Variants in VCPKMT observed in about 807,000 individuals in gnomAD.
VCPKMT encodes valosin containing protein lysine methyltransferase, also known as protein N-lysine methyltransferase METTL21D.
In VCPKMT, 32 loss-of-function variants were observed where a neutral mutation model predicts 28.6. The ratio of observed to expected loss-of-function variants is 1.12; its 90% CI spans 0.84 to 1.50. The LOEUF (loss-of-function observed/expected upper bound fraction) is 1.50. Among genes scored for constraint, VCPKMT ranks in the 40% most tolerant of loss-of-function variants. The pLI, the probability that VCPKMT is intolerant of heterozygous loss-of-function variation, is 0.00. For missense variants in VCPKMT, 366 were observed against 285.0 expected (o/e 1.28, Z -2.05); for synonymous variants, 138 against 111.4 (o/e 1.24, Z -1.50).
intron 5 of VCPKMT, chr14:50,111,519 T>G (rs1035341324): frequency 2.0e-6 from 2 of 985,336 alleles, no homozygotes; most frequent in African/African-American, 3.5e-5. Context: ...GCATCCTTAA[T>G]TCATAAAACT....
Position 50,108,948 on chromosome 14 carries a change from T to A in VCPKMT, c.*751A>T, listed in dbSNP as rs1882454734. On this transcript the variant is annotated 3_prime_UTR_variant, in exon 6 of 6. Transcript: ENST00000395860. ...ACATAAAGTGCATGAGCCACGTAAG[T>A]GCATAAGCCTGAAACTGGTCTTTCT... 3.7e-5 allele frequency: 36 copies of A among 985,460 alleles called. No individual in the cohort carries two copies. Among genetic ancestry groups the A allele is most frequent in the Non-Finnish European group, 4.2e-5 (35 of 829,922 alleles). The allele number at this position is 985,460 out of a possible 1,614,324, so 61.0% of individuals were successfully genotyped here.
In VCPKMT at chr14:50,116,300, C is replaced by A; in HGVS notation, c.253G>T (p.Ala85Ser). ...GCCAGCTCTTACCCGAGGGTAGCAG[C>A]CATGAGCCCCACGGCCCCGGTGCCC... Reference protein sequence around the residue: ...GSGTGAVGLMAATLGADVVVT... With the variant: ...GSGTGAVGLMSATLGADVVVT... The change falls in exon 1 of 6, where the codon GCT becomes TCT. Residue 85 changes from alanine to serine, a missense_variant. Transcript: ENST00000395860. The A allele has an allele frequency of 6.2e-7, 1 of 1,606,898 alleles. No individual in the cohort carries two copies. The highest frequency in any genetic ancestry group is 2.2e-5 in the East Asian group (1 of 44,532).
At chr14:50,107,042 A>G (rs1328670570), downstream of VCPKMT, among the ~76,000 whole-genome samples, 1 of 152,196 alleles carries the variant, frequency 6.6e-6, no homozygotes, top group African/African-American at 2.4e-5. Context: ...TTGTGAGTGC[A>G]GGTACAACTT....
At position 50,116,381 on chromosome 14, in the gene VCPKMT, A is replaced by T; in HGVS notation, c.172T>A (p.Phe58Ile). ...AGCGCGTGGGCCCCGTCGCCAGAAA[A>T]CTCGGGCGTTTCCAGGTATTTAGAA... Reference protein sequence around the residue: ...VLSKYLETPEFSGDGAHALSR... With the variant: ...VLSKYLETPEISGDGAHALSR... Residue 58 changes from phenylalanine to isoleucine, a missense_variant, in exon 1 of 6, where the codon TTT (phenylalanine) becomes ATT (isoleucine). By Grantham distance (21) the Phe-to-Ile change is conservative (BLOSUM62 0). Transcript: ENST00000395860. 2 of 1,613,460 alleles carry T rather than the reference A, an allele frequency of 1.2e-6. No homozygotes were observed. Among genetic ancestry groups the T allele is most frequent in the Non-Finnish European group, 1.7e-6 (2 of 1,179,852 alleles).
intron 5 of VCPKMT, chr14:50,112,106 G>A: frequency 1.0e-6 from 1 of 976,740 alleles, no homozygotes; most frequent in East Asian, 1.1e-4. Context: ...TTTTTAATAA[G>A]GAAAAGTTCA....
At position 50,109,478 on chromosome 14, in the gene VCPKMT, A is replaced by C. The variant is rs949589361; in HGVS notation, c.*221T>G. 1 of 1,259,778 alleles carries C rather than the reference A, an allele frequency of 7.9e-7. No individual in the cohort carries two copies. The highest frequency in any genetic ancestry group is 1.0e-6 in the Non-Finnish European group (1 of 1,003,600). 78.0% of individuals were successfully genotyped at this position (1,259,778 alleles called of 1,614,324 possible). On this transcript the variant is annotated 3_prime_UTR_variant, in exon 6 of 6. Coordinates refer to ENST00000395860, the MANE Select transcript of VCPKMT (RefSeq NM_024558.3). Reference sequence around the variant, plus strand: ...AGAAGAACTTGATGCTGAACTAAGTAACCTAAGCTGGATTCAGGGCCATTG... The same window carrying C: ...AGAAGAACTTGATGCTGAACTAAGTCACCTAAGCTGGATTCAGGGCCATTG...
rs1166076946 is a variant in VCPKMT, at chr14:50,112,729, T to C, written c.571-10A>G. On this transcript the variant is annotated splice_polypyrimidine_tract_variant and intron_variant, in intron 4 of 5. Coordinates refer to ENST00000395860, the MANE Select transcript of VCPKMT (RefSeq NM_024558.3). Reference sequence around the variant, plus strand: ...AATCTAGCTGAAGGAGCTATAAATTTAAAAGAGACATACTTCAAATTCAAT... The same window carrying C: ...AATCTAGCTGAAGGAGCTATAAATTCAAAAGAGACATACTTCAAATTCAAT... The C allele has an allele frequency of 3.9e-6, 6 of 1,524,460 alleles. No homozygotes were observed. Among genetic ancestry groups the C allele is most frequent in the Non-Finnish European group, 5.4e-6 (6 of 1,120,690 alleles). 94.4% of individuals were successfully genotyped at this position (1,524,460 alleles called of 1,614,324 possible). A position where few individuals can be genotyped will look rare whatever the true frequency, so the allele number is the denominator to read the frequency against.
At chr14:50,115,806 T>C in intron 3 of VCPKMT, 33 bp downstream of exon 3, 1 of 1,577,392 alleles carries the variant, frequency 6.3e-7, no homozygotes, top group African/African-American at 1.4e-5. Flanking sequence ...GTTCATCTTC[T>C]AAGTGAAGAG....
At chr14:50,110,937 A>C (rs900162739) in intron 5 of VCPKMT, among the ~76,000 whole-genome samples, 1 of 152,064 alleles carries the variant, frequency 6.6e-6, no homozygotes, top group Non-Finnish European at 1.5e-5. Flanking sequence ...GTTACATATG[A>C]CATGTGCAGA....
Position 50,116,510 on chromosome 14 carries a change from T to G in VCPKMT, c.43A>C (p.Ser15Arg). The part of the protein sequence containing the change: ...LESSLEDPLR[S>R]FVRVLEKRDG... ...CGCTTCTCCAAAACTCGCACAAAGC[T>G]CCGCAGTGGGTCCTCCAGCGAGGAC... Residue 15 changes from serine to arginine, a missense_variant, in exon 1 of 6, where the codon AGC (serine) becomes CGC (arginine). Ser to Arg is a moderately radical substitution (Grantham distance 110). Coordinates refer to ENST00000395860, the MANE Select transcript of VCPKMT (RefSeq NM_024558.3). The G allele has an allele frequency of 6.2e-7, 1 of 1,613,638 alleles. No individual in the cohort carries two copies. Among genetic ancestry groups the G allele is most frequent in the Non-Finnish European group, 8.5e-7 (1 of 1,179,858 alleles).
chr14:50,107,684 T>C (rs548302788), downstream of VCPKMT, among the ~76,000 whole-genome samples: 2 of 152,248 alleles, frequency 1.3e-5, no homozygotes, highest in South Asian at 2.1e-4. Flanking sequence ...GCAAATGATT[T>C]ATCAAGGTTA....
intron 5 of VCPKMT, chr14:50,111,311 T>G (rs991179883): frequency 2.0e-6 from 2 of 985,308 alleles, no homozygotes; most frequent in African/African-American, 3.5e-5. Context: ...CAGTTTTTTT[T>G]GTATCTGTGG....
At position 50,116,369 on chromosome 14, in the gene VCPKMT, C is replaced by G. The variant is rs1375040686; in HGVS notation, c.184G>C (p.Gly62Arg). The G allele has an allele frequency of 2.5e-6, 4 of 1,613,308 alleles. No homozygotes were observed. The highest frequency in any genetic ancestry group is 3.4e-6 in the Non-Finnish European group (4 of 1,179,762). ...YLETPEFSGD[G>R]AHALSRRSVL... The stretch of plus-strand genomic sequence containing the variant: ...GACCGCCGGCTCAGCGCGTGGGCCC[C>G]GTCGCCAGAAAACTCGGGCGTTTCC... Residue 62 changes from glycine (G) to arginine (R), a missense_variant, in exon 1 of 6, where the codon GGG becomes CGG. Transcript: ENST00000395860.
At chr14:50,112,521 A>G in intron 5 of VCPKMT, 94 bp downstream of exon 5, 1 of 756,466 alleles carries the variant, frequency 1.3e-6, no homozygotes, top group Non-Finnish European at 2.2e-6. Flanking sequence ...GTTTCTCCAC[A>G]TCAAAATCAA....
chr14:50,105,129 G>C (rs1034274049), downstream of VCPKMT, among the ~76,000 whole-genome samples: 4 of 151,856 alleles, frequency 2.6e-5, no homozygotes, highest in African/African-American at 9.7e-5. Flanking sequence ...AACATTTAAA[G>C]ACAAAGTCAA....
chr14:50,107,572 C>G (rs918817088), downstream of VCPKMT, among the ~76,000 whole-genome samples: 4 of 152,218 alleles, frequency 2.6e-5, no homozygotes, highest in African/African-American at 9.6e-5. Context: ...CCTCGGCATA[C>G]AGGCGTGAGC....
Position 50,114,365 on chromosome 14 carries a change from C to T in VCPKMT, c.490G>A (p.Gly164Arg), listed in dbSNP as rs181887490. The T allele has an allele frequency of 1.1e-5, 18 of 1,580,790 alleles. No homozygotes were observed. The highest frequency in any genetic ancestry group is 2.1e-4 in the Middle Eastern group (1 of 4,726). The change falls in exon 4 of 6, where the codon GGA (glycine) becomes AGA (arginine). Residue 164 changes from glycine (G) to arginine (R), a missense_variant. Transcript: ENST00000395860. ...PLLKTLKDIS[G>R]FETCIICCYE... ...CAACATATAATACAAGTTTCAAATC[C>T]GCTGATATCTTTTAGAGTTTTCAGC...
intron 3 of VCPKMT, among the ~76,000 whole-genome samples, chr14:50,114,877 C>T (rs1456767490): frequency 6.6e-6 from 1 of 152,050 alleles, no homozygotes; most frequent in East Asian, 1.9e-4. Flanking sequence ...AACAAAAACC[C>T]CTCTGTAACT....
the VCPKMT span, among the ~76,000 whole-genome samples, chr14:50,103,251 AG>A: frequency 5.0e-3 from 762 of 151,610 alleles, 5 homozygotes; most frequent in African/African-American, 0.017. Context: ...AGACATGGTC[AG>A]TTAGCCTGAG....
Sources: gnomAD v4.1 joint callset for allele counts (sites outside exome capture counted in the v4.1 genomes callset) on GRCh38, gnomAD v4.1.1 for gene constraint, MANE v1.5 for transcripts, NCBI Gene and HGNC (gene_info 2026-07-23, HGNC 2026-07-21) for gene names.